Variants in KLHL26 observed in about 807,000 individuals in gnomAD.
KLHL26 encodes kelch-like protein 26.
KLHL26 carries 4 observed loss-of-function variants against 7.1 expected under a neutral mutation model. The observed-to-expected ratio is 0.56, with a 90% CI of 0.28 to 1.28. The LOEUF is 1.28. KLHL26 is among the 50% of genes most tolerant of loss of function. The pLI is 0.11. For missense variants in KLHL26, 896 were observed against 924.6 expected (o/e 0.97, Z 0.40); for synonymous variants, 465 against 414.1 (o/e 1.12, Z -1.49).
rs186800585 is a variant in KLHL26, at chr19:18,656,572, G to C, written c.84-7689G>C. Among the ~76,000 whole-genome samples, 1,120 of 152,288 alleles carry C rather than the reference G, an allele frequency of 7.4e-3. 28 individuals are homozygous for C. Among genetic ancestry groups the C allele is most frequent in the Admixed American group, 0.043 (665 of 15,294 alleles). On this transcript the variant is annotated intron_variant, in intron 1 of 2. Coordinates refer to ENST00000300976, the MANE Select transcript of KLHL26 (RefSeq NM_018316.3). This position sits in a 1 kb window ranked among gnomAD's most constrained non-coding sequence, Gnocchi z 4.4. The stretch of plus-strand genomic sequence containing the variant: ...GACAGACAGGCAGGGAATGGCTCCA[G>C]ATCAGGAGGCTGGGAGGAAGGGGAA...
intron 1 of KLHL26, among the ~76,000 whole-genome samples, chr19:18,638,776 C>T (rs2145365807): frequency 6.6e-6 from 1 of 152,272 alleles, no homozygotes; most frequent in South Asian, 2.1e-4. Flanking sequence ...CCAAGGCTCA[C>T]CGCAGCCTCA....
At chr19:18,655,750 T>TCATGCTATGGAGGCAGAGGGCTTGCCG (rs1555767925) in intron 1 of KLHL26, among the ~76,000 whole-genome samples, 1 of 152,142 alleles carries the variant, frequency 6.6e-6, no homozygotes, top group Non-Finnish European at 1.5e-5. Flanking sequence ...CCCCTTGTCT[T>TCATGCTATGGAGGCAGAGGGCTTGCCG]CTGGGCCTTT....
chr19:18,660,575 C>T (rs1239665533), intron 1 of KLHL26, among the ~76,000 whole-genome samples: 1 of 152,214 alleles, frequency 6.6e-6, no homozygotes, highest in African/African-American at 2.4e-5. Flanking sequence ...TCCCCTCCTC[C>T]CAGTGGCCGG....
chr19:18,669,404 C>G lies in KLHL26; in HGVS notation c.*159C>G. 1.6e-6 allele frequency: 1 copy of G among 613,140 alleles called. No individual in the cohort carries two copies. Among genetic ancestry groups the G allele is most frequent in the South Asian group, 2.0e-5 (1 of 51,196 alleles). The allele number at this position is 613,140 out of a possible 1,614,324, so 38.0% of individuals were successfully genotyped here. On this transcript the variant is annotated 3_prime_UTR_variant, in exon 3 of 3. Transcript: ENST00000300976. ...GCCCCCCTCCCAGGGGTCCCTCCCT[C>G]CCTCCTTCCCAAAGCAGATCCTGGC...
intron 2 of KLHL26, among the ~76,000 whole-genome samples, chr19:18,666,250 G>A (rs1056759830): frequency 2.0e-5 from 3 of 152,102 alleles, no homozygotes; most frequent in Non-Finnish European, 4.4e-5. Context: ...GGGCGGCCCC[G>A]AGATAGTGCC....
chr19:18,656,068 T>C lies in KLHL26; in HGVS notation c.84-8193T>C, dbSNP rs1431995270. 6.6e-6 allele frequency among the ~76,000 whole-genome samples: 1 copy of C among 152,152 alleles called. No individual in the cohort carries two copies. Among genetic ancestry groups the C allele is most frequent in the East Asian group, 1.9e-4 (1 of 5,180 alleles). ...CTAGAACACCCCCATGCTCCTGAGA[T>C]GACAGCTTGCAAACCACTGCACCTC... On this transcript the variant is annotated intron_variant, in intron 1 of 2. Coordinates refer to ENST00000300976, the MANE Select transcript of KLHL26 (RefSeq NM_018316.3). This position sits in a 1 kb window ranked among gnomAD's most constrained non-coding sequence, Gnocchi z 4.4.
chr19:18,669,020 C>A lies in KLHL26; in HGVS notation c.1623C>A (p.Ser541Arg). The A allele has an allele frequency of 6.2e-7, 1 of 1,612,754 alleles. No homozygotes were observed. The change falls in exon 3 of 3, where the codon AGC becomes AGA. Residue 541 changes from serine (S) to arginine (R), a missense_variant. Transcript: ENST00000300976. ...YYVPETDQWT[S>R]VSPMRAGQSE... ...TGCCGGAGACGGACCAGTGGACCAG[C>A]GTGAGCCCCATGCGGGCCGGCCAGT...
Position 18,654,782 on chromosome 19 carries a change from G to A in KLHL26, c.84-9479G>A, listed in dbSNP as rs190483362. On this transcript the variant is annotated intron_variant, in intron 1 of 2. Coordinates refer to ENST00000300976, the MANE Select transcript of KLHL26 (RefSeq NM_018316.3). ...CCGCCCATTTACCCATCCACTCACC[G>A]ATTCACCCATCTACCCACCCATTCA... 2.4e-4 allele frequency among the ~76,000 whole-genome samples: 36 copies of A among 148,870 alleles called. No homozygotes were observed. The East Asian group carries it at 6.0e-3, about 25-fold the overall frequency.
intron 1 of KLHL26, among the ~76,000 whole-genome samples, chr19:18,647,315 G>A (rs1311467380): frequency 6.6e-6 from 1 of 152,154 alleles, no homozygotes; most frequent in Admixed American, 6.5e-5. Context: ...CGCCATAATC[G>A]CACCATCTCC....
chr19:18,647,424 A>T (rs894898223), intron 1 of KLHL26, among the ~76,000 whole-genome samples: 2 of 150,678 alleles, frequency 1.3e-5, no homozygotes, highest in African/African-American at 4.9e-5. Flanking sequence ...CTTTCTCCTC[A>T]CTCCAGCCCT....
At position 18,666,348 on chromosome 19, in the gene KLHL26, A is replaced by G. The variant is rs549782989; in HGVS notation, c.267-1316A>G. 2.6e-5 allele frequency among the ~76,000 whole-genome samples: 4 copies of G among 152,150 alleles called. No homozygotes were observed. In the East Asian group the frequency reaches 7.8e-4, roughly 29 times the overall value. Reference sequence around the variant, plus strand: ...ACAGGCCTCTGTGGGTCAAATGCACAAGGGATGTTCCCTCCTCCTCGGACG... The same window carrying G: ...ACAGGCCTCTGTGGGTCAAATGCACGAGGGATGTTCCCTCCTCCTCGGACG... On this transcript the variant is annotated intron_variant, in intron 2 of 2. Transcript: ENST00000300976.
intron 1 of KLHL26, among the ~76,000 whole-genome samples, chr19:18,639,617 C>T (rs748554067): frequency 2.6e-5 from 4 of 151,592 alleles, no homozygotes; most frequent in Non-Finnish European, 5.9e-5. Flanking sequence ...GCCATGTTGG[C>T]CAGGGTGATC....
chr19:18,645,357 G>A (rs1203207639), intron 1 of KLHL26, among the ~76,000 whole-genome samples: 1 of 152,154 alleles, frequency 6.6e-6, no homozygotes, highest in Non-Finnish European at 1.5e-5. Flanking sequence ...GAACCTTCTG[G>A]CCTTGCAGCC....
chr19:18,654,919 A>G (rs1363013346), intron 1 of KLHL26, among the ~76,000 whole-genome samples: 1 of 152,234 alleles, frequency 6.6e-6, no homozygotes, highest in Non-Finnish European at 1.5e-5. Flanking sequence ...CTGAGCTCCA[A>G]CCATATGTTA....
rs1163095029 is a variant in KLHL26, at chr19:18,668,797, G to T, written c.1400G>T (p.Gly467Val). Residue 467 changes from glycine (G) to valine (V), a missense_variant, in exon 3 of 3, where the codon GGC (glycine) becomes GTC (valine). Coordinates refer to ENST00000300976, the MANE Select transcript of KLHL26 (RefSeq NM_018316.3). ...ASGGRLYISGGYGISVEDKKA... is the reference protein window; with the variant it reads ...ASGGRLYISGVYGISVEDKKA... Reference sequence around the variant, plus strand: ...GGGGGCCGCCTCTACATCTCGGGTGGCTACGGGATCTCAGTGGAGGACAAG... The same window carrying T: ...GGGGGCCGCCTCTACATCTCGGGTGTCTACGGGATCTCAGTGGAGGACAAG... 6.3e-7 allele frequency: 1 copy of T among 1,596,156 alleles called. No individual in the cohort carries two copies. Among genetic ancestry groups the T allele is most frequent in the South Asian group, 1.1e-5 (1 of 90,526 alleles).
chr19:18,669,691 C>T lies in KLHL26; in HGVS notation c.*446C>T, dbSNP rs1210800919. On this transcript the variant is annotated 3_prime_UTR_variant, in exon 3 of 3. Coordinates refer to ENST00000300976, the MANE Select transcript of KLHL26 (RefSeq NM_018316.3). ...ATGACTCACCCTCCTTCCAAGTCTC[C>T]TGCGCGCGTGTTTTTAAAATAAACT... is the stretch of plus-strand genomic sequence containing the variant. The T allele has an allele frequency of 4.1e-6, 1 of 242,922 alleles. No individual in the cohort carries two copies. The highest frequency in any genetic ancestry group is 7.9e-6 in the Non-Finnish European group (1 of 126,874). The allele number at this position is 242,922 out of a possible 1,614,324, so 15.0% of individuals were successfully genotyped here. A position where few individuals can be genotyped will look rare whatever the true frequency, so the allele number is the denominator to read the frequency against.
rs2052503934 is a variant in KLHL26 at position 18,669,534 on chromosome 19, C to G, written c.*289C>G. 1.8e-6 allele frequency: 1 copy of G among 564,394 alleles called. No individual in the cohort carries two copies. The highest frequency in any genetic ancestry group is 3.1e-6 in the Non-Finnish European group (1 of 320,508). The allele number at this position is 564,394 out of a possible 1,614,324, so 35.0% of individuals were successfully genotyped here. On this transcript the variant is annotated 3_prime_UTR_variant, in exon 3 of 3. Transcript: ENST00000300976. ...CGCCTGGCCCCCGAGTCCCCACGGG[C>G]TGGCGGGTGGAATCCCAGGTCTCCA...
chr19:18,637,323 AG>A (rs1471138607), intron 1 of KLHL26, among the ~76,000 whole-genome samples, 186 bp downstream of exon 1: 3 of 149,846 alleles, frequency 2.0e-5, no homozygotes, highest in African/African-American at 7.5e-5. Flanking sequence ...GGGTGGCTGG[AG>A]GGGGGCTGGG....
intron 1 of KLHL26, among the ~76,000 whole-genome samples, chr19:18,659,965 G>A (rs533374124): frequency 2.0e-5 from 3 of 152,336 alleles, no homozygotes; most frequent in East Asian, 1.9e-4. Context: ...ACTCTCAGGC[G>A]GGGGTTCGAG....
Sources: allele counts gnomAD v4.1 joint callset (sites outside exome capture counted in the v4.1 genomes callset), GRCh38; gene constraint gnomAD v4.1.1; non-coding constraint Gnocchi (gnomAD v3.1); transcripts MANE v1.5; gene names NCBI Gene and HGNC (gene_info 2026-07-23, HGNC 2026-07-21).